MTAP: variants seen among roughly 807,000 people sequenced by gnomAD.
MTAP encodes the protein S-methyl-5'-thioadenosine phosphorylase.
In MTAP, 33 loss-of-function variants were observed where a neutral mutation model predicts 33.6. The observed-to-expected ratio is 0.98, with a 90% CI of 0.74 to 1.31. The LOEUF (loss-of-function observed/expected upper bound fraction) is 1.31, where lower values mean the gene tolerates loss of function less well. Among genes scored for constraint, MTAP ranks in the 40% most tolerant of loss-of-function variants. The pLI, the probability that MTAP is intolerant of heterozygous loss-of-function variation, is 0.00. For synonymous variants in MTAP, 148 were observed against 125.7 expected (o/e 1.18, Z -1.19); for missense variants, 367 against 360.0 (o/e 1.02, Z -0.16).
intron 5 of MTAP, among the ~76,000 whole-genome samples, chr9:21,845,756 A>G (rs1449267397): frequency 6.6e-6 from 1 of 152,186 alleles, no homozygotes; most frequent in African/African-American, 2.4e-5. Context: ...GAAATATAAA[A>G]AAAAAAATCC....
chr9:21,811,696 C>T (rs529006959), intron 1 of MTAP: 380 of 531,876 alleles, frequency 7.1e-4, no homozygotes, highest in Non-Finnish European at 1.3e-3. Context: ...GGTACTCAGA[C>T]ACCAGGTCGT....
intron 4 of MTAP, among the ~76,000 whole-genome samples, chr9:21,826,166 C>A (rs1238602214): frequency 2.0e-5 from 3 of 148,256 alleles, no homozygotes; most frequent in African/African-American, 7.5e-5. Flanking sequence ...GTTCCTAATT[C>A]CTAGCTTCAA....
downstream of MTAP, among the ~76,000 whole-genome samples, chr9:21,940,047 G>T (rs146588947): frequency 6.6e-6 from 1 of 152,136 alleles, no homozygotes; most frequent in Non-Finnish European, 1.5e-5. Context: ...TTGGGAGGCC[G>T]AGGCAGGTGG....
At chr9:21,835,644 G>A (rs1243804586) in intron 4 of MTAP, among the ~76,000 whole-genome samples, 10 of 152,110 alleles carry the variant, frequency 6.6e-5, no homozygotes, top group Admixed American at 6.5e-4. Context: ...ATCTGATAGA[G>A]ACCTTCAGAA....
intron 1 of MTAP, chr9:21,930,388 T>A (rs56118667): frequency 4.9e-6 from 1 of 204,176 alleles, no homozygotes; most frequent in Non-Finnish European, 9.8e-6. Context: ...GCCTCCTCAT[T>A]AAATGGACTG....
chr9:21,902,394 AT>A (rs1818407266), intron 1 of MTAP, among the ~76,000 whole-genome samples: 1 of 152,220 alleles, frequency 6.6e-6, no homozygotes, highest in Non-Finnish European at 1.5e-5. Context: ...AGCATCTGGT[AT>A]TTTTAGCTCC....
chr9:21,846,444 T>C (rs1209844841), intron 5 of MTAP, among the ~76,000 whole-genome samples: 2 of 149,400 alleles, frequency 1.3e-5, no homozygotes, highest in African/African-American at 4.9e-5. Flanking sequence ...GCTAAGTACA[T>C]GAATAGACAA....
At chr9:21,869,357 G>A (rs538412047), downstream of MTAP, among the ~76,000 whole-genome samples, 5 of 152,172 alleles carry the variant, frequency 3.3e-5, no homozygotes, top group Admixed American at 1.3e-4. Flanking sequence ...CCTATCAGCC[G>A]CATTTGATAC....
At chr9:21,848,424 T>TGATTTGGGCCCACTAAGTAGG (rs145810556) in intron 5 of MTAP, among the ~76,000 whole-genome samples, 37,629 of 151,730 alleles carry the variant, frequency 0.25, 5,114 homozygotes, top group East Asian at 0.41. Context: ...CTGAATTTAT[T>TGATTTGGGCCCACTAAGTAGG]GATTTGGGCC....
Position 21,905,887 on chromosome 9 carries a change from A to G in MTAP, c.148-25121A>G, listed in dbSNP as rs145766989. ...ACTGCAAAGGGAGATGACAACACTT[A>G]TATTACCATAGTGGCTTTGGGTGGG... On this transcript the variant is annotated intron_variant, in intron 1 of 1. Transcript: ENST00000577563. Among the ~76,000 whole-genome samples, 358 of 152,350 alleles carry G rather than the reference A, an allele frequency of 2.3e-3. 2 individuals are homozygous for G. Among genetic ancestry groups the G allele is most frequent in the African/African-American group, 8.2e-3 (340 of 41,586 alleles).
chr9:21,803,707 T>C (rs1054909962), intron 1 of MTAP, among the ~76,000 whole-genome samples: 16 of 140,134 alleles, frequency 1.1e-4, no homozygotes, highest in African/African-American at 4.3e-4. Context: ...TTCTAGGCAG[T>C]TTATTACTGG....
chr9:21,828,493 G>A (rs1453627450), intron 4 of MTAP, among the ~76,000 whole-genome samples: 1 of 152,090 alleles, frequency 6.6e-6, no homozygotes. Flanking sequence ...GGTCAACATG[G>A]TGAAACCCCG....
chr9:21,813,594 G>A (rs570917439), intron 1 of MTAP, among the ~76,000 whole-genome samples: 2 of 152,332 alleles, frequency 1.3e-5, no homozygotes, highest in Admixed American at 6.5e-5. Flanking sequence ...CTCGATTTGT[G>A]TATTTGATCC....
At chr9:21,843,286 A>G (rs1825297014) in intron 5 of MTAP, among the ~76,000 whole-genome samples, 1 of 152,184 alleles carries the variant, frequency 6.6e-6, no homozygotes, top group Admixed American at 6.5e-5. Flanking sequence ...AGGCCTAAGA[A>G]ATGACATAGA....
chr9:21,871,152 C>G (rs76597469), downstream of MTAP, among the ~76,000 whole-genome samples: 862 of 152,190 alleles, frequency 5.7e-3, 18 homozygotes, highest in East Asian at 0.056. Context: ...ACTCACATAC[C>G]TAAGTTGTTC....
downstream of MTAP, among the ~76,000 whole-genome samples, chr9:21,867,606 C>T (rs1435257698): frequency 1.3e-5 from 2 of 151,870 alleles, no homozygotes; most frequent in African/African-American, 4.8e-5. Flanking sequence ...ACAGATTGGT[C>T]TGTGATTTTC....
chr9:21,894,235 G>A (rs1004755144), intron 1 of MTAP, among the ~76,000 whole-genome samples: 2 of 146,496 alleles, frequency 1.4e-5, no homozygotes, highest in African/African-American at 2.5e-5. Flanking sequence ...AAAAAACTAG[G>A]TATTGAAGTA....
chr9:21,911,018 T>A (rs1276364581), intron 1 of MTAP, among the ~76,000 whole-genome samples: 1 of 151,838 alleles, frequency 6.6e-6, no homozygotes, highest in Non-Finnish European at 1.5e-5. Flanking sequence ...CCAACAAAGA[T>A]CAAAAGAGAC....
At chr9:21,913,857 G>A (rs1451224456) in intron 1 of MTAP, among the ~76,000 whole-genome samples, 2 of 152,176 alleles carry the variant, frequency 1.3e-5, no homozygotes, top group Non-Finnish European at 2.9e-5. Context: ...TACAGAATGG[G>A]AGAAAATTTT....
Sources: gnomAD v4.1 joint callset for allele counts (sites outside exome capture counted in the v4.1 genomes callset) on GRCh38, gnomAD v4.1.1 for gene constraint, MANE v1.5 for transcripts, NCBI Gene and HGNC (gene_info 2026-07-23, HGNC 2026-07-21) for gene names.